The following CCDC137 variants were observed in gnomAD, a reference collection of about 807,000 sequenced individuals.
CCDC137 encodes the protein coiled-coil domain-containing protein 137.
CCDC137 carries 24 observed loss-of-function variants against 30.4 expected under a neutral mutation model. The ratio of observed to expected loss-of-function variants is 0.79; its 90% confidence interval spans 0.57 to 1.11. The LOEUF (loss-of-function observed/expected upper bound fraction) is 1.11, where lower values mean the gene tolerates loss of function less well. CCDC137 is among the 50% of genes least tolerant of loss of function. The probability of loss-of-function intolerance (pLI) is 0.00; values close to 1 mark genes in which losing one functional copy is unlikely to be tolerated. For synonymous variants in CCDC137, 182 were observed against 155.7 expected, an observed-to-expected ratio of 1.17 and a Z score of -1.26; for missense variants, 417 against 380.4, an observed-to-expected ratio of 1.10 and a Z score of -0.80.
rs759054786 is a variant in CCDC137 at position 81,670,369 on chromosome 17, T to G, written c.413T>G (p.Phe138Cys). The G allele has an allele frequency of 1.9e-6, 3 of 1,613,774 alleles. No individual in the cohort carries two copies. The African/African-American group carries it at 4.0e-5, about 22-fold the overall frequency. Residue 138 changes from phenylalanine (F) to cysteine (C), a missense_variant, in exon 3 of 6, where the codon TTC (phenylalanine) becomes TGC (cysteine). Transcript: ENST00000329214. The stretch of plus-strand genomic sequence containing the variant: ...CAGCAAGAGGCCCAGCATGTGCTGT[T>G]CCTCAGCAAGAACCAGGCCATCCGG... ...RMQQEAQHVL[F>C]LSKNQAIRQP...
Position 81,672,375 on chromosome 17 carries a change from C to T in CCDC137, c.661-120C>T, listed in dbSNP as rs2036729412. The T allele has an allele frequency of 1.3e-5, 13 of 1,027,512 alleles. No individual in the cohort carries two copies. The South Asian group carries it at 1.6e-4, about 13-fold the overall frequency. The allele number at this position is 1,027,512 out of a possible 1,614,324, so 63.6% of individuals were successfully genotyped here. On this transcript the variant is annotated intron_variant, in intron 5 of 5. Transcript: ENST00000329214. ...AACCCTCAGCCAACGTGTGCGCTGT[C>T]TGGTGTGTGGCCTGAGAGTGCAGTG...
intron 1 of CCDC137, 46 bp downstream of exon 1, chr17:81,666,946 G>C (rs1400428553): frequency 1.6e-6 from 2 of 1,243,970 alleles, no homozygotes; most frequent in East Asian, 6.3e-5. Flanking sequence ...CCAGAGAAGG[G>C]GACGCCTTGA....
chr17:81,667,947 G>A (rs367871032), intron 2 of CCDC137, 85 bp downstream of exon 2: 1 of 1,493,158 alleles, frequency 6.7e-7, no homozygotes, highest in African/African-American at 1.4e-5. Flanking sequence ...AACGTTTCAG[G>A]CAGAGGAAAT....
At chr17:81,667,703 T>A in intron 1 of CCDC137, 26 bp from the exon 2 acceptor site, 1 of 1,612,732 alleles carries the variant, frequency 6.2e-7, no homozygotes, top group Non-Finnish European at 8.5e-7. Context: ...TTGGGACGGG[T>A]CTCACCCCCG....
At chr17:81,667,949 A>G (rs2036666267) in intron 2 of CCDC137, 87 bp downstream of exon 2, 1 of 1,480,756 alleles carries the variant, frequency 6.8e-7, no homozygotes, top group Non-Finnish European at 9.1e-7. Context: ...CGTTTCAGGC[A>G]GAGGAAATAT....
In CCDC137 at chr17:81,667,622, C is replaced by T. The variant is rs1172662358; in HGVS notation, c.135-107C>T. On this transcript the variant is annotated intron_variant, in intron 1 of 5. Coordinates refer to ENST00000329214, the MANE Select transcript of CCDC137 (RefSeq NM_199287.3). ...GATTACAGGCGTGAGCCACCAAGCC[C>T]GGCCAGCCCGTGTAGATTCTATTGC... 6.5e-6 allele frequency: 9 copies of T among 1,375,672 alleles called. No individual in the cohort carries two copies. The East Asian group carries it at 7.0e-5, about 11-fold the overall frequency. The allele number at this position is 1,375,672 out of a possible 1,614,324, so 85.2% of individuals were successfully genotyped here.
Position 81,673,529 on chromosome 17 carries a change from A to AG in CCDC137, c.*830dup. Reference sequence around the variant, plus strand: ...GGCTCAAGGTCACAGAGTGGGGCCCAGGGGGAGTTCCTGCTGAGGGCAGGG... The same window carrying AG: ...GGCTCAAGGTCACAGAGTGGGGCCCAGGGGGGAGTTCCTGCTGAGGGCAGGG... On this transcript the variant is annotated 3_prime_UTR_variant, in exon 6 of 6. Coordinates refer to ENST00000329214, the MANE Select transcript of CCDC137 (RefSeq NM_199287.3). The AG allele has an allele frequency of 6.6e-6, 1 of 152,406 alleles. No individual in the cohort carries two copies. The highest frequency in any genetic ancestry group is 1.5e-5 in the Non-Finnish European group (1 of 68,082). The allele number at this position is 152,406 out of a possible 1,614,324, so 9.4% of individuals were successfully genotyped here.
chr17:81,672,454 C>T, intron 5 of CCDC137, 41 bp from the exon 6 acceptor site: 2 of 1,530,616 alleles, frequency 1.3e-6, no homozygotes, highest in Non-Finnish European at 1.8e-6. Context: ...TGCATCCCCT[C>T]CTTTCCCAGC....
rs1450569345 is a variant in CCDC137 at position 81,672,064 on chromosome 17, C to T, written c.581-12C>T. The T allele has an allele frequency of 1.2e-6, 2 of 1,614,012 alleles. No individual in the cohort carries two copies. The highest frequency in any genetic ancestry group is 1.6e-4 in the Middle Eastern group (1 of 6,062). ...GTGGGCAGCAGTCCTCAGTTGTATT[C>T]TGCTCCTCCAGACACGGTGAAGTTT... is the stretch of plus-strand genomic sequence containing the variant. On this transcript the variant is annotated splice_polypyrimidine_tract_variant and intron_variant, in intron 4 of 5. Coordinates refer to ENST00000329214, the MANE Select transcript of CCDC137 (RefSeq NM_199287.3).
chr17:81,670,807 C>G (rs750045344), intron 3 of CCDC137, among the ~76,000 whole-genome samples: 1 of 152,006 alleles, frequency 6.6e-6, no homozygotes, highest in Non-Finnish European at 1.5e-5. Flanking sequence ...GAATGTCTCT[C>G]GTCCAAGAGA....
intron 2 of CCDC137, chr17:81,669,955 A>T: frequency 6.7e-6 from 3 of 446,614 alleles, no homozygotes; most frequent in Non-Finnish European, 4.1e-6. Context: ...TCATTCAACC[A>T]GCCACCTAGG....
rs145262044 is a variant in CCDC137, at chr17:81,672,731, G to A, written c.*27G>A. ...GGAGAGACACCCGGGGCCTGGCCACGCTCTGGGGCAACTGGCACCAGGAGC... is the reference window on the plus strand; with the variant it reads ...GGAGAGACACCCGGGGCCTGGCCACACTCTGGGGCAACTGGCACCAGGAGC... On this transcript the variant is annotated 3_prime_UTR_variant, in exon 6 of 6. Transcript: ENST00000329214. The A allele has an allele frequency of 1.7e-4, 261 of 1,524,646 alleles. No individual in the cohort carries two copies. The African/African-American group carries it at 3.0e-3, about 17-fold the overall frequency. The allele number at this position is 1,524,646 out of a possible 1,614,324, so 94.4% of individuals were successfully genotyped here.
Position 81,671,735 on chromosome 17 carries a change from C to T in CCDC137, c.498-9C>T, listed in dbSNP as rs2036721133. On this transcript the variant is annotated splice_polypyrimidine_tract_variant and intron_variant, in intron 3 of 5. Coordinates refer to ENST00000329214, the MANE Select transcript of CCDC137 (RefSeq NM_199287.3). ...TAGGAATCTGAGTGACATGTGCTTT[C>T]TTCCCCAGGTTCCAGAAGCGGCGAC... is the stretch of plus-strand genomic sequence containing the variant. The T allele has an allele frequency of 1.9e-6, 3 of 1,612,424 alleles. No individual in the cohort carries two copies. The highest frequency in any genetic ancestry group is 1.7e-4 in the Middle Eastern group (1 of 6,060).
intron 1 of CCDC137, among the ~76,000 whole-genome samples, chr17:81,667,435 C>T (rs895834800): frequency 3.3e-5 from 5 of 151,048 alleles, no homozygotes; most frequent in Non-Finnish European, 7.4e-5. Flanking sequence ...TCACGCCATT[C>T]TCCTGCCTCA....
At chr17:81,668,152 CAG>C (rs1413597356) in intron 2 of CCDC137, among the ~76,000 whole-genome samples, 2 of 151,936 alleles carry the variant, frequency 1.3e-5, no homozygotes, top group Admixed American at 1.3e-4. Flanking sequence ...GAAGATTCAT[CAG>C]AGTTTTTAGC....
chr17:81,667,958 ATGCCAAGACCCGG>A, intron 2 of CCDC137, 96 bp downstream of exon 2: 1 of 1,423,734 alleles, frequency 7.0e-7, no homozygotes, highest in Non-Finnish European at 9.4e-7. Flanking sequence ...CAGAGGAAAT[ATGCCAAGACCCGG>A]TGCTCAGAAG....
chr17:81,668,459 A>G (rs979466407), intron 2 of CCDC137, among the ~76,000 whole-genome samples: 1 of 152,204 alleles, frequency 6.6e-6, no homozygotes, highest in African/African-American at 2.4e-5. Context: ...TGGGAAACGG[A>G]GTCCACTGTG....
chr17:81,672,625 C>T lies in CCDC137; in HGVS notation c.791C>T (p.Ala264Val), dbSNP rs375426067. 1.2e-4 allele frequency: 190 copies of T among 1,599,344 alleles called. 1 individual carries two copies. The highest frequency in any genetic ancestry group is 7.5e-4 in the Admixed American group (43 of 57,654). ...GAGCGGGCCGTGCAGGCCTACAGAG[C>T]GTTGAAGCAGCGGCAGCAGCAGCTG... ...ERERAVQAYR[A>V]LKQRQQQLHG... Residue 264 changes from alanine (A) to valine (V), a missense_variant, in exon 6 of 6, where the codon GCG becomes GTG. Physicochemically the swap from Ala to Val is moderately conservative, Grantham distance 64. Coordinates refer to ENST00000329214, the MANE Select transcript of CCDC137 (RefSeq NM_199287.3).
At position 81,671,385 on chromosome 17, in the gene CCDC137, G is replaced by T. The variant is rs118173480; in HGVS notation, c.498-359G>T. Among the ~76,000 whole-genome samples the T allele has an allele frequency of 3.9e-5, 6 of 152,292 alleles. No homozygotes were observed. In the East Asian group the frequency reaches 1.2e-3, roughly 29 times the overall value. On this transcript the variant is annotated intron_variant, in intron 3 of 5. Transcript: ENST00000329214. ...TAGGCCCTTTAGACACAGCAGCACC[G>T]GATGGGCTGGATGAGTCTCTGTTGG...
Sources: gnomAD v4.1 joint callset for allele counts (sites outside exome capture counted in the v4.1 genomes callset) on GRCh38, gnomAD v4.1.1 for gene constraint, MANE v1.5 for transcripts, NCBI Gene and HGNC (gene_info 2026-07-23, HGNC 2026-07-21) for gene names.